Variants in SPAG16 observed in about 807,000 individuals in gnomAD.
SPAG16 encodes sperm-associated antigen 16 protein.
Under a neutral mutation model 80.4 loss-of-function variants are expected in SPAG16, and 86 were observed. The observed-to-expected ratio is 1.07, with a 90% CI of 0.90 to 1.28. SPAG16 has a LOEUF of 1.28. Among genes scored for constraint, SPAG16 ranks in the 50% most tolerant of loss-of-function variants. The pLI is 0.00. For synonymous variants in SPAG16, 294 were observed against 265.9 expected, an observed-to-expected ratio of 1.11 and a Z score of -1.03; for missense variants, 870 against 765.3, an observed-to-expected ratio of 1.14 and a Z score of -1.61.
At chr2:214,382,976 C>G (rs914079546) in intron 15 of SPAG16, among the ~76,000 whole-genome samples, 1 of 151,796 alleles carries the variant, frequency 6.6e-6, no homozygotes, top group African/African-American at 2.4e-5. Flanking sequence ...CATGAAGCCC[C>G]CACCCTACTT....
At chr2:213,780,273 A>G (rs2069859774) in intron 10 of SPAG16, among the ~76,000 whole-genome samples, 1 of 152,212 alleles carries the variant, frequency 6.6e-6, no homozygotes, top group Non-Finnish European at 1.5e-5. Context: ...CACATTTGCC[A>G]CATGATGTCT....
At chr2:214,020,023 T>C (rs2047780323) in intron 13 of SPAG16, among the ~76,000 whole-genome samples, 1 of 152,220 alleles carries the variant, frequency 6.6e-6, no homozygotes, top group Non-Finnish European at 1.5e-5. Context: ...TTATTGAATA[T>C]GTAATTTGTG....
chr2:213,299,417 C>T (rs1044899618), intron 3 of SPAG16, among the ~76,000 whole-genome samples: 4 of 147,870 alleles, frequency 2.7e-5, no homozygotes, highest in Admixed American at 6.9e-5. Flanking sequence ...ACTACAGGCA[C>T]CTGCCACCAC....
intron 9 of SPAG16, among the ~76,000 whole-genome samples, chr2:213,445,315 C>T (rs1352299205): frequency 6.6e-6 from 1 of 152,066 alleles, no homozygotes; most frequent in East Asian, 1.9e-4. Context: ...TAGAAAAAAC[C>T]TCAAGTAATC....
chr2:213,467,328 G>A (rs1016847215), intron 9 of SPAG16, among the ~76,000 whole-genome samples: 4 of 152,128 alleles, frequency 2.6e-5, no homozygotes, highest in African/African-American at 9.7e-5. Flanking sequence ...CAAAACTTCT[G>A]GATTAGTATT....
At chr2:214,081,123 A>C (rs1178593374) in intron 13 of SPAG16, among the ~76,000 whole-genome samples, 1 of 150,898 alleles carries the variant, frequency 6.6e-6, no homozygotes, top group Non-Finnish European at 1.5e-5. Context: ...TATAATATAT[A>C]TTACATTTAA....
intron 14 of SPAG16, among the ~76,000 whole-genome samples, chr2:214,144,501 C>T (rs2055532435): frequency 6.6e-6 from 1 of 152,004 alleles, no homozygotes; most frequent in African/African-American, 2.4e-5. Flanking sequence ...ATCTATTGAA[C>T]ATGAACTATA....
chr2:214,305,679 T>A (rs1694863413), intron 15 of SPAG16, among the ~76,000 whole-genome samples: 1 of 152,204 alleles, frequency 6.6e-6, no homozygotes, highest in African/African-American at 2.4e-5. Context: ...ATCAGATAGT[T>A]GTAGCTGTTC....
At chr2:213,566,984 A>T (rs1366036558) in intron 10 of SPAG16, among the ~76,000 whole-genome samples, 7 of 152,178 alleles carry the variant, frequency 4.6e-5, no homozygotes, top group Non-Finnish European at 1.0e-4. Context: ...CAACAGTTTT[A>T]AATAATCCTC....
chr2:213,907,352 T>C (rs2077472297), intron 11 of SPAG16, among the ~76,000 whole-genome samples: 1 of 152,076 alleles, frequency 6.6e-6, no homozygotes, highest in Admixed American at 6.6e-5. Flanking sequence ...CTAGTTAGAA[T>C]GGCTATTATC....
At position 213,719,515 on chromosome 2, in the gene SPAG16, A is replaced by C. The variant is rs187606788; in HGVS notation, c.1071-142970A>C. Among the ~76,000 whole-genome samples, 154 of 152,330 alleles carry C rather than the reference A, an allele frequency of 1.0e-3. 4 individuals are homozygous for C. The East Asian group carries it at 0.022, about 22-fold the overall frequency. ...TAAACACACCAATCAGCACCCTGAC[A>C]AAACAGGCCACTTGGCTCTACCAAT... On this transcript the variant is annotated intron_variant, in intron 10 of 15. Transcript: ENST00000331683.
chr2:213,946,252 C>A (rs574937121), intron 12 of SPAG16, among the ~76,000 whole-genome samples: 2 of 152,220 alleles, frequency 1.3e-5, no homozygotes, highest in East Asian at 1.9e-4. Flanking sequence ...GCAGCTGGAA[C>A]TACTGGTGCA....
At chr2:214,307,672 G>A (rs1311309391) in intron 15 of SPAG16, among the ~76,000 whole-genome samples, 1 of 152,074 alleles carries the variant, frequency 6.6e-6, no homozygotes, top group African/African-American at 2.4e-5. Flanking sequence ...TTCAGGAGCA[G>A]GTTATTCAAT....
At chr2:214,369,845 C>G (rs1488541260) in intron 15 of SPAG16, among the ~76,000 whole-genome samples, 1 of 152,110 alleles carries the variant, frequency 6.6e-6, no homozygotes, top group Non-Finnish European at 1.5e-5. Flanking sequence ...GATATTCTAT[C>G]AATGATTTCT....
chr2:213,810,024 G>A (rs2072033576), intron 10 of SPAG16, among the ~76,000 whole-genome samples: 1 of 152,068 alleles, frequency 6.6e-6, no homozygotes, highest in African/African-American at 2.4e-5. Flanking sequence ...AGCCCTAAGG[G>A]GGCTGACAGG....
chr2:214,387,254 ATTCTT>A (rs1700812839), intron 15 of SPAG16, among the ~76,000 whole-genome samples: 1 of 152,086 alleles, frequency 6.6e-6, no homozygotes, highest in Admixed American at 6.6e-5. Flanking sequence ...TTTATTTTTT[ATTCTT>A]TTAACAAATA....
At chr2:213,533,857 A>C (rs2076154355) in intron 10 of SPAG16, among the ~76,000 whole-genome samples, 1 of 152,116 alleles carries the variant, frequency 6.6e-6, no homozygotes, top group South Asian at 2.1e-4. Context: ...TATTAACTTA[A>C]TGCTAGAATC....
At chr2:213,905,189 T>C (rs973809986) in intron 11 of SPAG16, among the ~76,000 whole-genome samples, 3 of 152,212 alleles carry the variant, frequency 2.0e-5, no homozygotes, top group African/African-American at 7.2e-5. Flanking sequence ...TTTTACAGTT[T>C]ATTTTATGGG....
intron 15 of SPAG16, among the ~76,000 whole-genome samples, chr2:214,315,892 G>T (rs901187109): frequency 4.6e-5 from 7 of 152,188 alleles, no homozygotes; most frequent in East Asian, 1.9e-4. Context: ...GGGGTGTTTC[G>T]ATTTAGTTTA....
Sources: allele counts gnomAD v4.1 joint callset (sites outside exome capture counted in the v4.1 genomes callset), GRCh38; gene constraint gnomAD v4.1.1; transcripts MANE v1.5; gene names NCBI Gene and HGNC (gene_info 2026-07-23, HGNC 2026-07-21).